Variants in BBS9 observed in about 807,000 individuals in gnomAD.
BBS9 encodes protein PTHB1.
In BBS9, 89 loss-of-function variants were observed where a neutral mutation model predicts 117.7. The observed-to-expected ratio is 0.76, with a 90% CI of 0.64 to 0.90. The LOEUF is 0.90. Among genes scored for constraint, BBS9 ranks in the 40% least tolerant of loss-of-function variants. BBS9 has a pLI of 0.00. For missense variants in BBS9, 982 were observed against 1,042.2 expected (o/e 0.94, Z 0.80); for synonymous variants, 379 against 370.9 (o/e 1.02, Z -0.25).
At chr7:33,390,023 C>T (rs988378724) in intron 19 of BBS9, among the ~76,000 whole-genome samples, 3 of 152,244 alleles carry the variant, frequency 2.0e-5, no homozygotes, top group South Asian at 4.2e-4. Flanking sequence ...TCAGTAGGCA[C>T]CAATGCCCTG....
At chr7:33,506,792 C>T (rs1470036101) in intron 20 of BBS9, among the ~76,000 whole-genome samples, 1 of 152,098 alleles carries the variant, frequency 6.6e-6, no homozygotes, top group African/African-American at 2.4e-5. Flanking sequence ...TTAGAATACA[C>T]ATTTTTGTTT....
At chr7:33,524,981 T>C (rs1403224645) in intron 20 of BBS9, among the ~76,000 whole-genome samples, 1 of 152,210 alleles carries the variant, frequency 6.6e-6, no homozygotes, top group Non-Finnish European at 1.5e-5. Context: ...AGAACATCTT[T>C]ATTTCTGCCT....
rs140087892 is a variant in BBS9, at chr7:33,471,513, G to A, written c.2116-33950G>A. On this transcript the variant is annotated intron_variant, in intron 19 of 22. Coordinates refer to ENST00000242067, the MANE Select transcript of BBS9 (RefSeq NM_198428.3). ...GCTCATAACTGCAGGTGGAACAACA[G>A]TATGACTAGACCTAGAAGGGAGCTT... Among the ~76,000 whole-genome samples the A allele has an allele frequency of 1.2e-4, 19 of 152,300 alleles. No individual in the cohort carries two copies. The East Asian group carries it at 3.7e-3, about 29-fold the overall frequency.
At chr7:33,224,209 G>A (rs992820068) in intron 5 of BBS9, among the ~76,000 whole-genome samples, 7 of 151,914 alleles carry the variant, frequency 4.6e-5, no homozygotes, top group Admixed American at 2.0e-4. Context: ...TTATTTAATC[G>A]CCAAAACAAT....
intron 19 of BBS9, among the ~76,000 whole-genome samples, chr7:33,448,939 A>G (rs1470259575): frequency 6.6e-6 from 1 of 152,260 alleles, no homozygotes; most frequent in African/African-American, 2.4e-5. Context: ...CCCAGAGGAC[A>G]AGAGTAGGTA....
At chr7:33,138,336 C>T (rs1026234698) in intron 1 of BBS9, among the ~76,000 whole-genome samples, 31 of 150,984 alleles carry the variant, frequency 2.1e-4, no homozygotes, top group African/African-American at 7.5e-4. Flanking sequence ...CGGCAGAGGT[C>T]CTCTGAAAAA....
chr7:33,509,220 T>C (rs1022936140), intron 20 of BBS9, among the ~76,000 whole-genome samples: 2 of 152,208 alleles, frequency 1.3e-5, no homozygotes, highest in Admixed American at 6.5e-5. Flanking sequence ...TTCGGACTTA[T>C]ACTGTTGAGA....
chr7:33,294,388 TCC>T (rs1562951307), intron 9 of BBS9, among the ~76,000 whole-genome samples: 19 of 151,268 alleles, frequency 1.3e-4, no homozygotes, highest in African/African-American at 4.1e-4. Context: ...CATCCATCCA[TCC>T]ATCCATCCAT....
Position 33,237,846 on chromosome 7 carries a change from A to T in BBS9, c.443-19390A>T, listed in dbSNP as rs1464926939. Reference sequence around the variant, plus strand: ...TATTCAAACTTTTACTCTTGTGACAATCAAGATCAGTAGAAGTCTGGTTTT... The same window carrying T: ...TATTCAAACTTTTACTCTTGTGACATTCAAGATCAGTAGAAGTCTGGTTTT... On this transcript the variant is annotated intron_variant, in intron 5 of 22. Coordinates refer to ENST00000242067, the MANE Select transcript of BBS9 (RefSeq NM_198428.3). 5.9e-5 allele frequency among the ~76,000 whole-genome samples: 9 copies of T among 152,282 alleles called. No homozygotes were observed. In the East Asian group the frequency reaches 1.7e-3, roughly 29 times the overall value.
chr7:33,477,178 G>A (rs1235660047), intron 19 of BBS9, among the ~76,000 whole-genome samples: 2 of 152,082 alleles, frequency 1.3e-5, no homozygotes, highest in African/African-American at 4.8e-5. Flanking sequence ...AAGATTAAGG[G>A]AATAATACAC....
chr7:33,580,290 A>G (rs997805846), intron 21 of BBS9, among the ~76,000 whole-genome samples: 6 of 151,506 alleles, frequency 4.0e-5, no homozygotes, highest in South Asian at 2.1e-4. Flanking sequence ...TGGTTGGTTG[A>G]TGACACGTCT....
At chr7:33,179,989 T>A (rs1797872357) in intron 5 of BBS9, among the ~76,000 whole-genome samples, 2 of 152,192 alleles carry the variant, frequency 1.3e-5, no homozygotes, top group Non-Finnish European at 2.9e-5. Flanking sequence ...CCAGTTTTAA[T>A]CAGTAGTTCA....
intron 4 of BBS9, among the ~76,000 whole-genome samples, chr7:33,156,926 C>T (rs1297093783): frequency 2.0e-5 from 3 of 151,880 alleles, no homozygotes; most frequent in African/African-American, 4.8e-5. Context: ...TATTATCATA[C>T]GATATAGGCT....
intron 16 of BBS9, among the ~76,000 whole-genome samples, chr7:33,358,259 T>G (rs1435387305): frequency 1.3e-5 from 2 of 151,888 alleles, no homozygotes; most frequent in Non-Finnish European, 2.9e-5. Flanking sequence ...AATCAAGTGT[T>G]TCTCTTTAGA....
chr7:33,181,504 C>T (rs1385578397), intron 5 of BBS9, among the ~76,000 whole-genome samples: 5 of 152,156 alleles, frequency 3.3e-5, no homozygotes, highest in Non-Finnish European at 7.4e-5. Context: ...CTTAATAAAA[C>T]CTTATAGACA....
chr7:33,406,707 T>A (rs1430015513), intron 19 of BBS9, among the ~76,000 whole-genome samples: 1 of 152,192 alleles, frequency 6.6e-6, no homozygotes, highest in South Asian at 2.1e-4. Context: ...TTAGTTTGGC[T>A]GGATATGAAA....
intron 9 of BBS9, among the ~76,000 whole-genome samples, chr7:33,319,717 T>C (rs1167742578): frequency 1.3e-5 from 2 of 152,138 alleles, no homozygotes; most frequent in Admixed American, 1.3e-4. Flanking sequence ...TGAGACTTAA[T>C]TAAACTAAAG....
chr7:33,529,420 T>A (rs1014209698), intron 20 of BBS9, among the ~76,000 whole-genome samples: 2 of 152,184 alleles, frequency 1.3e-5, no homozygotes, highest in African/African-American at 4.8e-5. Flanking sequence ...GGTAGAGGAC[T>A]TGGGTAAAGC....
intron 5 of BBS9, among the ~76,000 whole-genome samples, chr7:33,227,535 T>A (rs1397807642): frequency 3.9e-5 from 6 of 152,094 alleles, no homozygotes; most frequent in Non-Finnish European, 8.8e-5. Flanking sequence ...TAGTGGCAAT[T>A]TCTGGGATTT....
Sources: allele counts gnomAD v4.1 joint callset (sites outside exome capture counted in the v4.1 genomes callset), GRCh38; gene constraint gnomAD v4.1.1; transcripts MANE v1.5; gene names NCBI Gene and HGNC (gene_info 2026-07-23, HGNC 2026-07-21).